The following TUSC3 variants were observed in gnomAD, a reference collection of about 807,000 sequenced individuals.
The protein encoded by TUSC3 is tumor suppressor candidate 3.
TUSC3 carries 45 observed loss-of-function variants against 44.8 expected under a neutral mutation model. That is an observed-to-expected ratio of 1.00 (90% CI 0.79 to 1.29). The LOEUF (loss-of-function observed/expected upper bound fraction) is 1.29, where lower values mean the gene tolerates loss of function less well. Among genes scored for constraint, TUSC3 ranks in the 50% most tolerant of loss-of-function variants. The pLI, the probability that TUSC3 is intolerant of heterozygous loss-of-function variation, is 0.00. For missense variants in TUSC3, 519 were observed against 437.9 expected (o/e 1.19, Z -1.65); for synonymous variants, 212 against 152.9 (o/e 1.39, Z -2.85).
At chr8:15,607,169 C>T (rs946890385) in intron 1 of TUSC3, among the ~76,000 whole-genome samples, 10 of 152,088 alleles carry the variant, frequency 6.6e-5, no homozygotes, top group East Asian at 5.8e-4. Context: ...ACCAAGGAAA[C>T]GTGTGGACCA....
Position 15,428,183 on chromosome 8 carries a change from T to C in TUSC3, n.91+10878T>C, listed in dbSNP as rs1019515994. Among the ~76,000 whole-genome samples the C allele has an allele frequency of 1.6e-4, 22 of 138,118 alleles. 1 individual carries two copies. Among genetic ancestry groups the C allele is most frequent in the African/African-American group, 5.1e-4 (19 of 36,980 alleles). 90.6% of individuals were successfully genotyped at this position (138,118 alleles called of 152,430 possible). The stretch of plus-strand genomic sequence containing the variant: ...CCCTTCCTGTGTCCATGTGTTCTCA[T>C]TGTTCAATTCCCACCTATGAGTGAG... On this transcript the variant is annotated intron_variant and non_coding_transcript_variant, in intron 1 of 5. Coordinates refer to the TUSC3 transcript ENST00000503191.
At chr8:15,534,630 G>T (rs1003463316) in intron 2 of TUSC3, among the ~76,000 whole-genome samples, 1 of 139,132 alleles carries the variant, frequency 7.2e-6, no homozygotes, top group Non-Finnish European at 1.5e-5. Flanking sequence ...GTGACAGAGC[G>T]AGACTCGGTC....
intron 8 of TUSC3, among the ~76,000 whole-genome samples, chr8:15,746,991 A>G (rs992464185): frequency 6.6e-6 from 1 of 152,048 alleles, no homozygotes; most frequent in Admixed American, 6.6e-5. Context: ...TTTGAAGTTC[A>G]GCTGCATGAG....
chr8:15,618,028 C>T (rs768268369), intron 1 of TUSC3, among the ~76,000 whole-genome samples: 28 of 152,200 alleles, frequency 1.8e-4, no homozygotes, highest in Non-Finnish European at 2.8e-4. Context: ...TATCTAACCA[C>T]GTCTAAATTT....
chr8:15,814,007 G>A, the TUSC3 span, among the ~76,000 whole-genome samples: 1 of 152,158 alleles, frequency 6.6e-6, no homozygotes, highest in Non-Finnish European at 1.5e-5. Flanking sequence ...TAATTGTGAG[G>A]ACTAAACAAG....
At chr8:15,786,348 C>T in the TUSC3 span, among the ~76,000 whole-genome samples, 1 of 152,148 alleles carries the variant, frequency 6.6e-6, no homozygotes, top group East Asian at 1.9e-4. Flanking sequence ...TCTAAAGGTA[C>T]AGTCTGTCTC....
At chr8:15,750,156 T>C (rs564752753) in intron 9 of TUSC3, among the ~76,000 whole-genome samples, 17 of 151,878 alleles carry the variant, frequency 1.1e-4, no homozygotes, top group African/African-American at 3.6e-4. Context: ...ATTTTTTGTA[T>C]TTTTAGTAGA....
chr8:15,584,410 C>A (rs1239979392), intron 1 of TUSC3, among the ~76,000 whole-genome samples: 1 of 152,104 alleles, frequency 6.6e-6, no homozygotes, highest in African/African-American at 2.4e-5. Context: ...TTAATTTGGT[C>A]ATTGATCATG....
At chr8:15,780,892 C>A in the TUSC3 span, among the ~76,000 whole-genome samples, 30 of 152,280 alleles carry the variant, frequency 2.0e-4, no homozygotes, top group Middle Eastern at 3.4e-3. Flanking sequence ...GGTATGCAAC[C>A]ATTTCCAAAG....
At chr8:15,829,481 C>T in the TUSC3 span, among the ~76,000 whole-genome samples, 1,637 of 152,166 alleles carry the variant, frequency 0.011, 37 homozygotes, top group African/African-American at 0.037. Flanking sequence ...AGAGCAGTTT[C>T]GTTGCATTAC....
At chr8:15,460,863 C>A (rs1276330543) in intron 1 of TUSC3, among the ~76,000 whole-genome samples, 2 of 152,068 alleles carry the variant, frequency 1.3e-5, no homozygotes, top group African/African-American at 2.4e-5. Flanking sequence ...TTTCTGGGTT[C>A]TCTATTCTGT....
chr8:15,684,571 G>A (rs543428032), intron 6 of TUSC3, among the ~76,000 whole-genome samples: 56 of 152,264 alleles, frequency 3.7e-4, no homozygotes, highest in Non-Finnish European at 7.1e-4. Context: ...GGGACTCCCT[G>A]GGGAAGAAGC....
intron 2 of TUSC3, among the ~76,000 whole-genome samples, chr8:15,638,685 C>T (rs1004543389): frequency 6.6e-6 from 1 of 151,932 alleles, no homozygotes; most frequent in Non-Finnish European, 1.5e-5. Context: ...GGTACCACGC[C>T]TGGCTAATTT....
Position 15,764,262 on chromosome 8 carries a change from A to G in TUSC3, c.*106A>G, listed in dbSNP as rs1481114028. 6.9e-6 allele frequency: 11 copies of G among 1,588,824 alleles called. No homozygotes were observed. Among genetic ancestry groups the G allele is most frequent in the Non-Finnish European group, 8.6e-6 (10 of 1,159,084 alleles). On this transcript the variant is annotated 3_prime_UTR_variant, in exon 11 of 11. Transcript: ENST00000503731. Reference sequence around the variant, plus strand: ...TAAAGTGAATGTTTACCATGAAGATAAACTGTTCCTGACTTTATACTATTT... The same window carrying G: ...TAAAGTGAATGTTTACCATGAAGATGAACTGTTCCTGACTTTATACTATTT...
chr8:15,614,841 C>G (rs2129160583), intron 1 of TUSC3, among the ~76,000 whole-genome samples: 1 of 149,468 alleles, frequency 6.7e-6, no homozygotes, highest in Non-Finnish European at 1.5e-5. Flanking sequence ...ATATATGAAA[C>G]AGACTCCTTG....
intron 6 of TUSC3, among the ~76,000 whole-genome samples, chr8:15,714,995 G>A (rs573891705): frequency 6.6e-6 from 1 of 152,128 alleles, no homozygotes; most frequent in African/African-American, 2.4e-5. Flanking sequence ...ATTATACAAC[G>A]TTGCATTTGA....
chr8:15,667,953 A>G (rs1162670741), intron 5 of TUSC3, among the ~76,000 whole-genome samples: 1 of 151,694 alleles, frequency 6.6e-6, no homozygotes, highest in Non-Finnish European at 1.5e-5. Flanking sequence ...TTAAAGGAGG[A>G]TGCCTTGAGC....
chr8:15,681,765 C>T (rs1275657036), intron 6 of TUSC3, among the ~76,000 whole-genome samples: 1 of 151,724 alleles, frequency 6.6e-6, no homozygotes, highest in East Asian at 1.9e-4. Flanking sequence ...TGATGTTAGA[C>T]TGTTGAGATT....
At chr8:15,798,724 A>G in the TUSC3 span, among the ~76,000 whole-genome samples, 2 of 152,078 alleles carry the variant, frequency 1.3e-5, no homozygotes, top group South Asian at 4.1e-4. Context: ...AGCCGGGACC[A>G]CTAGGTTTGC....
Sources: allele counts gnomAD v4.1 joint callset (sites outside exome capture counted in the v4.1 genomes callset), GRCh38; gene constraint gnomAD v4.1.1; transcripts MANE v1.5; gene names NCBI Gene and HGNC (gene_info 2026-07-23, HGNC 2026-07-21).